PPARGC1A: variants seen among roughly 807,000 people sequenced by gnomAD.
PPARGC1A encodes the protein peroxisome proliferator-activated receptor gamma coactivator 1-alpha.
In PPARGC1A, 25 loss-of-function variants were observed where a neutral mutation model predicts 88.7. That is an observed-to-expected ratio of 0.28 (90% CI 0.21 to 0.39). The LOEUF is 0.39. PPARGC1A is among the 10% of genes least tolerant of loss of function. The probability of loss-of-function intolerance (pLI) is 1.00; values close to 1 mark genes in which losing one functional copy is unlikely to be tolerated. For synonymous variants in PPARGC1A, 363 were observed against 355.6 expected, an observed-to-expected ratio of 1.02 and a Z score of -0.24; for missense variants, 880 against 968.7, an observed-to-expected ratio of 0.91 and a Z score of 1.22.
the PPARGC1A span, among the ~76,000 whole-genome samples, chr4:24,239,683 T>C: frequency 2.6e-5 from 4 of 152,262 alleles, no homozygotes; most frequent in African/African-American, 9.6e-5. Context: ...AGTAAGTAGT[T>C]GGCTTGTTTT....
the PPARGC1A span, among the ~76,000 whole-genome samples, chr4:24,231,534 T>C: frequency 6.6e-6 from 1 of 151,758 alleles, no homozygotes; most frequent in Admixed American, 6.6e-5. Flanking sequence ...GGAGATGGAG[T>C]TCATGTTTTG....
chr4:24,406,048 C>A, the PPARGC1A span, among the ~76,000 whole-genome samples: 2 of 152,144 alleles, frequency 1.3e-5, no homozygotes, highest in African/African-American at 4.8e-5. Flanking sequence ...AGATGCCAGG[C>A]AAAGAAATGC....
chr4:23,887,203 G>GCT (rs3836557), intron 1 of PPARGC1A, among the ~76,000 whole-genome samples: 9,624 of 150,596 alleles, frequency 0.064, 885 homozygotes, highest in East Asian at 0.44. Flanking sequence ...TCGCTCGTGC[G>GCT]CTCTCTCTCT....
chr4:24,141,777 T>A, the PPARGC1A span, among the ~76,000 whole-genome samples: 1 of 152,142 alleles, frequency 6.6e-6, no homozygotes, highest in African/African-American at 2.4e-5. Flanking sequence ...GCAAGCTGCA[T>A]CTCTCCCTTC....
intron 2 of PPARGC1A, among the ~76,000 whole-genome samples, chr4:23,855,629 T>G (rs1730063583): frequency 6.6e-6 from 1 of 152,206 alleles, no homozygotes; most frequent in Non-Finnish European, 1.5e-5. Context: ...TTTCAGACAC[T>G]GAGTTAAGTA....
chr4:23,792,761 G>A lies in PPARGC1A; in HGVS notation c.*3061C>T, dbSNP rs950726877. On this transcript the variant is annotated 3_prime_UTR_variant, in exon 13 of 13. Coordinates refer to ENST00000264867, the MANE Select transcript of PPARGC1A (RefSeq NM_013261.5). ...TGCCTCCAGTGATGATGGGGTGCAC[G>A]TGTTCATTTGAAATATTCTCTCCCA... 7.2e-5 allele frequency: 11 copies of A among 152,388 alleles called. No homozygotes were observed. Among genetic ancestry groups the A allele is most frequent in the African/African-American group, 1.9e-4 (8 of 41,354 alleles). The allele number at this position is 152,388 out of a possible 1,614,324, so 9.4% of individuals were successfully genotyped here. A position where few individuals can be genotyped will look rare whatever the true frequency, so the allele number is the denominator to read the frequency against.
At chr4:24,302,275 C>G in the PPARGC1A span, among the ~76,000 whole-genome samples, 1 of 152,204 alleles carries the variant, frequency 6.6e-6, no homozygotes, top group Non-Finnish European at 1.5e-5. Context: ...TCCAAAAAAA[C>G]AATGCTCCTG....
chr4:24,355,100 A>C, the PPARGC1A span, among the ~76,000 whole-genome samples: 1 of 152,174 alleles, frequency 6.6e-6, no homozygotes, highest in Admixed American at 6.5e-5. Flanking sequence ...TACCGCAGCT[A>C]TGTTTGTCAC....
At chr4:24,281,544 T>G in the PPARGC1A span, among the ~76,000 whole-genome samples, 3 of 152,186 alleles carry the variant, frequency 2.0e-5, no homozygotes, top group Non-Finnish European at 2.9e-5. Context: ...TCCACTCCCA[T>G]GACCACAACA....
the PPARGC1A span, among the ~76,000 whole-genome samples, chr4:24,194,394 C>T: frequency 2.0e-5 from 3 of 152,088 alleles, no homozygotes; most frequent in South Asian, 4.1e-4. Flanking sequence ...TTTCTATACA[C>T]CAACTCCACT....
intron 5 of PPARGC1A, among the ~76,000 whole-genome samples, 162 bp downstream of exon 5, chr4:23,828,238 A>G (rs1385257178): frequency 2.0e-5 from 3 of 152,182 alleles, no homozygotes; most frequent in Admixed American, 6.5e-5. Context: ...CCTGTGTCCA[A>G]GGAAAGGTTT....
At chr4:23,810,378 C>T (rs1720675894) in intron 10 of PPARGC1A, among the ~76,000 whole-genome samples, 1 of 152,158 alleles carries the variant, frequency 6.6e-6, no homozygotes, top group Admixed American at 6.5e-5. Context: ...TTACTTTCAT[C>T]TAAGAATTAA....
the PPARGC1A span, among the ~76,000 whole-genome samples, chr4:24,190,332 G>A: frequency 2.6e-5 from 4 of 152,086 alleles, no homozygotes; most frequent in Admixed American, 2.0e-4. Flanking sequence ...TGGCTAACAC[G>A]GTGAAACCCC....
chr4:24,186,827 T>TA, the PPARGC1A span, among the ~76,000 whole-genome samples: 2 of 150,748 alleles, frequency 1.3e-5, no homozygotes, highest in Non-Finnish European at 3.0e-5. Flanking sequence ...AAAATGAAAA[T>TA]AAAAAAATTA....
chr4:24,317,330 T>C, the PPARGC1A span, among the ~76,000 whole-genome samples: 10 of 151,832 alleles, frequency 6.6e-5, no homozygotes, highest in Admixed American at 2.6e-4. Context: ...CACTGGCATA[T>C]AGCAGGGAAA....
intron 2 of PPARGC1A, among the ~76,000 whole-genome samples, chr4:23,876,666 G>A (rs1180082080): frequency 2.0e-5 from 3 of 151,910 alleles, no homozygotes; most frequent in Admixed American, 6.6e-5. Flanking sequence ...TTGAACTGAC[G>A]GTTTCTGAGC....
At chr4:23,909,275 T>A in the PPARGC1A span, among the ~76,000 whole-genome samples, 1 of 152,206 alleles carries the variant, frequency 6.6e-6, no homozygotes, top group Non-Finnish European at 1.5e-5. Context: ...TTTGTCATAA[T>A]AGCAGCTACA....
chr4:24,182,934 A>G, the PPARGC1A span, among the ~76,000 whole-genome samples: 5 of 152,272 alleles, frequency 3.3e-5, no homozygotes, highest in East Asian at 5.8e-4. Context: ...GATGAACAAG[A>G]CAGACAGTAC....
upstream of PPARGC1A, among the ~76,000 whole-genome samples, chr4:23,893,211 T>A (rs1403365847): frequency 2.0e-5 from 3 of 151,980 alleles, no homozygotes; most frequent in Non-Finnish European, 4.4e-5. Context: ...ATAATTCAAT[T>A]CTCTAACAAA....
Sources: gnomAD v4.1 joint callset for allele counts (sites outside exome capture counted in the v4.1 genomes callset) on GRCh38, gnomAD v4.1.1 for gene constraint, MANE v1.5 for transcripts, NCBI Gene and HGNC (gene_info 2026-07-23, HGNC 2026-07-21) for gene names.